AGK: variants seen among roughly 807,000 people sequenced by gnomAD.
AGK encodes acylglycerol kinase, also known as acylglycerol kinase, mitochondrial.
AGK carries 52 observed loss-of-function variants against 66.4 expected under a neutral mutation model. That is an observed-to-expected ratio of 0.78 (90% CI 0.63 to 0.99). AGK has a LOEUF of 0.99. Among genes scored for constraint, AGK ranks in the 50% least tolerant of loss-of-function variants. The pLI is 0.00. For synonymous variants in AGK, 182 were observed against 181.1 expected (o/e 1.00, Z -0.04); for missense variants, 451 against 506.6 (o/e 0.89, Z 1.05).
At chr7:141,610,184 G>A (rs761062352) in intron 5 of AGK, among the ~76,000 whole-genome samples, 15 of 152,054 alleles carry the variant, frequency 9.9e-5, no homozygotes, top group Non-Finnish European at 1.9e-4. Flanking sequence ...GGCCAGGCTG[G>A]TCTTGATCTC....
chr7:141,553,361 G>A (rs1323156305), intron 1 of AGK, among the ~76,000 whole-genome samples: 6 of 152,180 alleles, frequency 3.9e-5, no homozygotes, highest in East Asian at 3.9e-4. Context: ...AAACTCCTTC[G>A]TTACTTTAGT....
chr7:141,651,004 T>C (rs561188054), intron 14 of AGK, among the ~76,000 whole-genome samples: 47 of 152,330 alleles, frequency 3.1e-4, no homozygotes, highest in Middle Eastern at 6.8e-3. Context: ...CAAAAATATG[T>C]ATTCTCTATC....
chr7:141,633,673 A>G (rs960117974), intron 9 of AGK, among the ~76,000 whole-genome samples: 6 of 152,224 alleles, frequency 3.9e-5, no homozygotes, highest in African/African-American at 1.4e-4. Context: ...TTCCCCTGCC[A>G]GCAGATTCAT....
intron 2 of AGK, among the ~76,000 whole-genome samples, chr7:141,579,747 T>C (rs1795843177): frequency 1.3e-5 from 2 of 151,946 alleles, no homozygotes; most frequent in Non-Finnish European, 2.9e-5. Context: ...TAGCGGCTTA[T>C]AACCTACATG....
intron 2 of AGK, among the ~76,000 whole-genome samples, chr7:141,577,522 A>C (rs1317222265): frequency 6.6e-6 from 1 of 152,158 alleles, no homozygotes; most frequent in Non-Finnish European, 1.5e-5. Flanking sequence ...GGGTGAGAAA[A>C]ATGGAATTTA....
At chr7:141,560,702 A>T (rs1323427946) in intron 2 of AGK, among the ~76,000 whole-genome samples, 2 of 151,788 alleles carry the variant, frequency 1.3e-5, no homozygotes, top group Non-Finnish European at 2.9e-5. Context: ...CTTATAAATG[A>T]GAATATATGA....
intron 9 of AGK, among the ~76,000 whole-genome samples, chr7:141,632,044 C>A (rs1480767633): frequency 6.6e-6 from 1 of 152,002 alleles, no homozygotes; most frequent in African/African-American, 2.4e-5. Flanking sequence ...GCCTGGTCAA[C>A]ATGGTGAAAC....
chr7:141,615,837 T>C (rs867300415), intron 8 of AGK: 2 of 371,358 alleles, frequency 5.4e-6, no homozygotes, highest in Middle Eastern at 7.1e-4. Context: ...ACCTAAACCG[T>C]TTTTGTGCTT....
intron 15 of AGK, 57 bp downstream of exon 15, chr7:141,651,666 C>A: frequency 6.7e-7 from 1 of 1,493,764 alleles, no homozygotes; most frequent in Non-Finnish European, 9.3e-7. Flanking sequence ...ATCGGCCTGC[C>A]CCTCTGTGGT....
chr7:141,564,731 T>C (rs1795431544), intron 2 of AGK, among the ~76,000 whole-genome samples: 1 of 152,198 alleles, frequency 6.6e-6, no homozygotes, highest in Non-Finnish European at 1.5e-5. Flanking sequence ...TCTTCTCCTT[T>C]GTTACTTTTT....
intron 2 of AGK, among the ~76,000 whole-genome samples, chr7:141,557,180 T>A (rs967538463): frequency 6.6e-6 from 1 of 152,204 alleles, no homozygotes; most frequent in African/African-American, 2.4e-5. Flanking sequence ...TTCACCACTG[T>A]GAGAATAACT....
chr7:141,640,073 A>G (rs1797255358), intron 11 of AGK, among the ~76,000 whole-genome samples: 1 of 152,178 alleles, frequency 6.6e-6, no homozygotes, highest in South Asian at 2.1e-4. Context: ...AGGGGCCCAC[A>G]ATAAAACCCC....
intron 2 of AGK, among the ~76,000 whole-genome samples, chr7:141,558,603 C>G (rs563616112): frequency 1.3e-5 from 2 of 152,204 alleles, no homozygotes; most frequent in East Asian, 3.9e-4. Context: ...GTACAGATAC[C>G]TCTTGGAGAT....
chr7:141,614,603 G>A (rs1796667537), intron 7 of AGK, among the ~76,000 whole-genome samples: 2 of 151,800 alleles, frequency 1.3e-5, no homozygotes, highest in Non-Finnish European at 2.9e-5. Flanking sequence ...CATTTCTACA[G>A]TGTTTTAAAA....
At chr7:141,612,072 C>T (rs556749930) in intron 6 of AGK, among the ~76,000 whole-genome samples, 1 of 152,114 alleles carries the variant, frequency 6.6e-6, no homozygotes, top group Admixed American at 6.6e-5. Context: ...TGGAAGCAAC[C>T]AAGATGTCCT....
At chr7:141,566,599 C>G (rs899593470) in intron 2 of AGK, among the ~76,000 whole-genome samples, 1 of 152,158 alleles carries the variant, frequency 6.6e-6, no homozygotes, top group Non-Finnish European at 1.5e-5. Context: ...TCTATGTTCT[C>G]TATACTTATT....
chr7:141,643,639 T>A (rs1797339590), intron 13 of AGK, among the ~76,000 whole-genome samples: 1 of 152,076 alleles, frequency 6.6e-6, no homozygotes, highest in African/African-American at 2.4e-5. Flanking sequence ...AATAGAAAAT[T>A]CATAAAAGAA....
chr7:141,555,398 C>A lies in AGK; in HGVS notation c.-14-55C>A. Reference sequence around the variant, plus strand: ...GGAAGACAGAGTAATAGGGACATTACATGAAGACCATGGATAAATTATATT... The same window carrying A: ...GGAAGACAGAGTAATAGGGACATTAAATGAAGACCATGGATAAATTATATT... On this transcript the variant is annotated intron_variant, in intron 1 of 15. Transcript: ENST00000649286. The surrounding 1 kb of genome is among the most constrained non-coding windows in gnomAD (Gnocchi z 4.2). 8.1e-7 allele frequency: 1 copy of A among 1,238,518 alleles called. No individual in the cohort carries two copies. Among genetic ancestry groups the A allele is most frequent in the Non-Finnish European group, 1.2e-6 (1 of 862,180 alleles). 76.7% of individuals were successfully genotyped at this position (1,238,518 alleles called of 1,614,324 possible).
chr7:141,641,311 G>A lies in AGK; in HGVS notation c.790G>A (p.Glu264Lys), dbSNP rs1359756668. 27 of 1,613,822 alleles carry A rather than the reference G, an allele frequency of 1.7e-5. No individual in the cohort carries two copies. The highest frequency in any genetic ancestry group is 2.0e-5 in the Non-Finnish European group (24 of 1,179,914). Reference sequence around the variant, plus strand: ...GGGACCTACAGAGAGACCTCCCAATGAACCAGAGGAGACCCCTGTACAAAG... The same window carrying A: ...GGGACCTACAGAGAGACCTCCCAATAAACCAGAGGAGACCCCTGTACAAAG... ...YTGPTERPPN[E>K]PEETPVQRPS... The change falls in exon 12 of 16, where the codon GAA (glutamate) becomes AAA (lysine). Residue 264 changes from glutamate (E) to lysine (K), a missense_variant. Glu to Lys is a moderately conservative substitution (Grantham distance 56). Transcript: ENST00000649286.
Sources: gnomAD v4.1 joint callset for allele counts (sites outside exome capture counted in the v4.1 genomes callset) on GRCh38, gnomAD v4.1.1 for gene constraint, Gnocchi (gnomAD v3.1) non-coding constraint, MANE v1.5 for transcripts, NCBI Gene and HGNC (gene_info 2026-07-23, HGNC 2026-07-21) for gene names.